TESK2: variants seen among roughly 807,000 people sequenced by gnomAD.
TESK2 encodes dual specificity testis-specific protein kinase 2.
In TESK2, 39 loss-of-function variants were observed where a neutral mutation model predicts 57.1. The ratio of observed to expected loss-of-function variants is 0.68; its 90% CI spans 0.53 to 0.89. The LOEUF (loss-of-function observed/expected upper bound fraction) is 0.89. TESK2 is among the 40% of genes least tolerant of loss of function. The pLI, the probability that TESK2 is intolerant of heterozygous loss-of-function variation, is 0.00. For synonymous variants in TESK2, 249 were observed against 267.9 expected (o/e 0.93, Z 0.69); for missense variants, 646 against 732.1 (o/e 0.88, Z 1.36).
At chr1:45,451,705 T>C (rs574225242) in intron 2 of TESK2, among the ~76,000 whole-genome samples, 4 of 152,292 alleles carry the variant, frequency 2.6e-5, no homozygotes, top group African/African-American at 9.6e-5. Context: ...TGGTGTTTCT[T>C]TGAAGCACGA....
rs149066109 is a variant in TESK2 at position 45,440,456 on chromosome 1, G to A, written c.222+17108C>T. On this transcript the variant is annotated intron_variant, in intron 2 of 10. Coordinates refer to ENST00000372086, the MANE Select transcript of TESK2 (RefSeq NM_007170.3). ...GGGCTGGGCGCGGTGGCTCATGCCC[G>A]TAATCCCAGCACTTTGGGAGGTCAA... Among the ~76,000 whole-genome samples the A allele has an allele frequency of 7.1e-4, 108 of 152,122 alleles. No individual in the cohort carries two copies. The East Asian group carries it at 0.013, about 19-fold the overall frequency.
chr1:45,441,506 C>A (rs938673250), intron 2 of TESK2, among the ~76,000 whole-genome samples: 1 of 151,870 alleles, frequency 6.6e-6, no homozygotes, highest in Admixed American at 6.6e-5. Flanking sequence ...CAGACTCTTG[C>A]TATGTTGCCT....
chr1:45,411,454 C>A (rs1650038467), intron 3 of TESK2, among the ~76,000 whole-genome samples: 1 of 152,120 alleles, frequency 6.6e-6, no homozygotes, highest in Admixed American at 6.5e-5. Context: ...ACAGGGTTCA[C>A]GCTTCTATGA....
At chr1:45,371,888 GGTT>G (rs1248830003) in intron 4 of TESK2, among the ~76,000 whole-genome samples, 4 of 151,448 alleles carry the variant, frequency 2.6e-5, no homozygotes, top group Non-Finnish European at 4.4e-5. Context: ...AAAATAGAAT[GGTT>G]GTTACCAGGA....
At chr1:45,434,051 G>A (rs1456097734) in intron 2 of TESK2, among the ~76,000 whole-genome samples, 1 of 152,142 alleles carries the variant, frequency 6.6e-6, no homozygotes, top group African/African-American at 2.4e-5. Flanking sequence ...CTGGAGTGCA[G>A]TGGCATGATC....
At position 45,421,608 on chromosome 1, in the gene TESK2, A is replaced by G. The variant is rs1287449631; in HGVS notation, c.344+117T>C. On this transcript the variant is annotated intron_variant, in intron 3 of 10. Transcript: ENST00000372086. ...ACCTAGAGTACCACTAAACCCCAGC[A>G]AGATAGATTCAGCATGATAAATCCT... 4.2e-6 allele frequency: 6 copies of G among 1,421,932 alleles called. No homozygotes were observed. In the South Asian group the frequency reaches 6.6e-5, roughly 16 times the overall value. 88.1% of individuals were successfully genotyped at this position (1,421,932 alleles called of 1,614,324 possible).
intron 4 of TESK2, among the ~76,000 whole-genome samples, chr1:45,375,011 C>T (rs1002982356): frequency 1.3e-5 from 2 of 152,192 alleles, no homozygotes; most frequent in African/African-American, 2.4e-5. Flanking sequence ...CATTCTGGTC[C>T]ATTACCATTA....
intron 4 of TESK2, among the ~76,000 whole-genome samples, chr1:45,373,893 G>A (rs1323686036): frequency 2.0e-5 from 3 of 152,144 alleles, no homozygotes; most frequent in Non-Finnish European, 2.9e-5. Context: ...TCCAAAGTTG[G>A]AACAGCTCCC....
intron 1 of TESK2, among the ~76,000 whole-genome samples, chr1:45,476,601 A>C (rs1185529711): frequency 6.6e-6 from 1 of 150,782 alleles, no homozygotes; most frequent in Non-Finnish European, 1.5e-5. Flanking sequence ...TAATCCCAGG[A>C]CTTTGGGAGG....
chr1:45,382,864 G>A (rs561734866), intron 4 of TESK2, among the ~76,000 whole-genome samples: 30 of 151,638 alleles, frequency 2.0e-4, no homozygotes, highest in Middle Eastern at 3.4e-3. Flanking sequence ...GTGAAACTCC[G>A]TCCCCCCAAA....
intron 9 of TESK2, 38 bp from the exon 10 acceptor site, chr1:45,346,032 A>C (rs1475390313): frequency 1.4e-6 from 2 of 1,460,358 alleles, no homozygotes; most frequent in African/African-American, 2.8e-5. Context: ...TCTGCCCTCC[A>C]TCTCCCACCC....
chr1:45,372,634 C>T (rs1048420936), intron 4 of TESK2, among the ~76,000 whole-genome samples: 1 of 151,544 alleles, frequency 6.6e-6, no homozygotes, highest in African/African-American at 2.4e-5. Context: ...GTCCCTATTA[C>T]GTGGGAGGCT....
intron 2 of TESK2, among the ~76,000 whole-genome samples, chr1:45,452,127 TAA>T (rs1398227579): frequency 6.6e-6 from 1 of 151,780 alleles, no homozygotes; most frequent in Non-Finnish European, 1.5e-5. Flanking sequence ...TTTGAAAATA[TAA>T]GTTTTGCTTT....
intron 5 of TESK2, among the ~76,000 whole-genome samples, chr1:45,354,597 G>A (rs953401500): frequency 8.6e-5 from 13 of 151,372 alleles, no homozygotes; most frequent in African/African-American, 3.2e-4. Flanking sequence ...TTGAACTCCA[G>A]CCTGGGCAAT....
intron 3 of TESK2, among the ~76,000 whole-genome samples, chr1:45,413,184 C>CT (rs1176698180): frequency 6.6e-6 from 1 of 152,094 alleles, no homozygotes; most frequent in Non-Finnish European, 1.5e-5. Context: ...TTTATTGTTC[C>CT]TTTTTTTAAC....
intron 3 of TESK2, among the ~76,000 whole-genome samples, chr1:45,403,882 G>GTAA (rs1649731306): frequency 2.4e-5 from 2 of 84,870 alleles, no homozygotes; most frequent in African/African-American, 3.7e-5. Context: ...CCATGCAAGC[G>GTAA]AAAAAAAAAA....
At chr1:45,381,419 T>A (rs1176533810) in intron 4 of TESK2, among the ~76,000 whole-genome samples, 1 of 152,182 alleles carries the variant, frequency 6.6e-6, no homozygotes, top group Non-Finnish European at 1.5e-5. Context: ...CAAGCAAATC[T>A]GAACATAAGG....
chr1:45,468,125 G>T (rs1236275306), intron 1 of TESK2, among the ~76,000 whole-genome samples: 1 of 151,330 alleles, frequency 6.6e-6, no homozygotes, highest in Non-Finnish European at 1.5e-5. Context: ...GCAGTGAGCC[G>T]TGTTTGGGCT....
At position 45,457,667 on chromosome 1, in the gene TESK2, G is replaced by A. The variant is rs1652162996; in HGVS notation, c.119C>T (p.Pro40Leu). The A allele has an allele frequency of 1.2e-6, 2 of 1,614,088 alleles. No individual in the cohort carries two copies. The highest frequency in any genetic ancestry group is 1.7e-6 in the Non-Finnish European group (2 of 1,180,012). Reference protein sequence around the residue: ...GNVSQVGRVWPSSYRALISAF... With the variant: ...GNVSQVGRVWLSSYRALISAF... ...ACTTATAAGAGCTCGATACGAAGAT[G>A]GCCAAACTCTTCCCACCTGGCTCAC... Residue 40 changes from proline (P) to leucine (L), a missense_variant, in exon 2 of 11, where the codon CCA becomes CTA. By Grantham distance (98) the Pro-to-Leu change is moderately conservative. Transcript: ENST00000372086.
Sources: gnomAD v4.1 joint callset for allele counts (sites outside exome capture counted in the v4.1 genomes callset) on GRCh38, gnomAD v4.1.1 for gene constraint, MANE v1.5 for transcripts, NCBI Gene and HGNC (gene_info 2026-07-23, HGNC 2026-07-21) for gene names.